PARM1: variants seen among roughly 807,000 people sequenced by gnomAD.
The protein encoded by PARM1 is WSC4, cell wall integrity and stress response component 4 homolog.
Under a neutral mutation model 24.6 loss-of-function variants are expected in PARM1, and 14 were observed. That is an observed-to-expected ratio of 0.57 (90% CI 0.38 to 0.89). The LOEUF is 0.89. PARM1 is among the 40% of genes least tolerant of loss of function. PARM1 has a pLI of 0.00. For synonymous variants in PARM1, 179 were observed against 156.6 expected (o/e 1.14, Z -1.07); for missense variants, 362 against 380.4 (o/e 0.95, Z 0.40).
chr4:75,032,978 A>G (rs1337692051), intron 2 of PARM1, among the ~76,000 whole-genome samples: 1 of 152,218 alleles, frequency 6.6e-6, no homozygotes, highest in African/African-American at 2.4e-5. Context: ...AAACTAAAGT[A>G]TATTCATTAT....
At position 74,981,543 on chromosome 4, in the gene PARM1, G is replaced by A. The variant is rs181150925; in HGVS notation, c.44-30882G>A. Among the ~76,000 whole-genome samples, 14 of 152,294 alleles carry A rather than the reference G, an allele frequency of 9.2e-5. No homozygotes were observed. In the East Asian group the frequency reaches 1.9e-3, roughly 21 times the overall value. ...ACACTGTTGGTGGGAATGTAAATTA[G>A]TTCAACCATTATGGAAGACAATGTA... On this transcript the variant is annotated intron_variant, in intron 1 of 3. Transcript: ENST00000307428.
intron 1 of PARM1, chr4:74,957,363 T>C (rs1366747396): frequency 6.6e-6 from 1 of 152,234 alleles, no homozygotes; most frequent in Non-Finnish European, 1.5e-5. Context: ...TCTCCATCTG[T>C]AAAATAAGAT....
At chr4:74,989,340 ATC>A (rs1722417938) in intron 1 of PARM1, among the ~76,000 whole-genome samples, 2 of 152,152 alleles carry the variant, frequency 1.3e-5, no homozygotes, top group South Asian at 2.1e-4. Context: ...AGATTCCCAT[ATC>A]CCCTCCTTGT....
rs1425623840 is a variant in PARM1 at position 75,048,889 on chromosome 4, T to G, written c.*2642T>G. 1 of 152,668 alleles carries G rather than the reference T, an allele frequency of 6.6e-6. No homozygotes were observed. The highest frequency in any genetic ancestry group is 1.5e-5 in the Non-Finnish European group (1 of 68,040). The allele number at this position is 152,668 out of a possible 1,614,324, so 9.5% of individuals were successfully genotyped here. ...CTTATTTTGCCAAATGTATCTTTTC[T>G]GCTTTTGAATTGGGCAGAAGATTTT... is the stretch of plus-strand genomic sequence containing the variant. On this transcript the variant is annotated 3_prime_UTR_variant, in exon 4 of 4. Coordinates refer to ENST00000307428, the MANE Select transcript of PARM1 (RefSeq NM_015393.4).
chr4:75,013,267 T>C, intron 2 of PARM1, 117 bp downstream of exon 2: 1 of 1,069,428 alleles, frequency 9.4e-7, no homozygotes, highest in South Asian at 1.6e-5. Context: ...CTAAGTTGAA[T>C]TATAATTCAC....
At chr4:74,945,220 A>G (rs1008793639) in intron 1 of PARM1, among the ~76,000 whole-genome samples, 20 of 152,332 alleles carry the variant, frequency 1.3e-4, no homozygotes, top group Non-Finnish European at 2.2e-4. Flanking sequence ...GAAGGATACA[A>G]TGGTATCTGA....
intron 3 of PARM1, among the ~76,000 whole-genome samples, chr4:75,044,482 G>A (rs1723560092): frequency 6.6e-6 from 1 of 152,050 alleles, no homozygotes; most frequent in African/African-American, 2.4e-5. Context: ...AGGACTTACT[G>A]TGTGTCAGAT....
intron 2 of PARM1, among the ~76,000 whole-genome samples, chr4:75,016,014 T>C (rs1722979315): frequency 6.6e-6 from 1 of 152,242 alleles, no homozygotes; most frequent in Non-Finnish European, 1.5e-5. Flanking sequence ...GTTCACGTAG[T>C]ATGTTTCTAT....
At position 75,049,486 on chromosome 4, in the gene PARM1, C is replaced by T. The variant is rs910083494; in HGVS notation, c.*3239C>T. The T allele has an allele frequency of 1.3e-5, 2 of 152,194 alleles. No homozygotes were observed. Among genetic ancestry groups the T allele is most frequent in the African/African-American group, 4.8e-5 (2 of 41,448 alleles). 9.4% of individuals were successfully genotyped at this position (152,194 alleles called of 1,614,324 possible). A position where few individuals can be genotyped will look rare whatever the true frequency, so the allele number is the denominator to read the frequency against. On this transcript the variant is annotated 3_prime_UTR_variant, in exon 4 of 4. Coordinates refer to ENST00000307428, the MANE Select transcript of PARM1 (RefSeq NM_015393.4). The stretch of plus-strand genomic sequence containing the variant: ...TAGCCACATCAGACAGCTATCTAAG[C>T]TCTGGACTACCCCTTTGTGCAGCTG...
intron 1 of PARM1, among the ~76,000 whole-genome samples, chr4:74,955,619 A>C (rs1225322821): frequency 1.3e-5 from 2 of 152,190 alleles, no homozygotes; most frequent in African/African-American, 4.8e-5. Flanking sequence ...AAAATTCATA[A>C]GCCTCCTCAG....
At chr4:74,961,538 AAGAG>A (rs1397159025) in intron 1 of PARM1, among the ~76,000 whole-genome samples, 1 of 152,200 alleles carries the variant, frequency 6.6e-6, no homozygotes, top group African/African-American at 2.4e-5. Flanking sequence ...GCCAAAGACA[AAGAG>A]AGAATCTTGA....
intron 1 of PARM1, among the ~76,000 whole-genome samples, chr4:75,005,068 C>T (rs767177769): frequency 2.0e-5 from 3 of 152,118 alleles, no homozygotes; most frequent in Non-Finnish European, 2.9e-5. Context: ...GTATGTAAAG[C>T]GCTCAGTACA....
At chr4:75,036,632 GTTCTGCCATCACAGTACT>G (rs1427247825) in intron 3 of PARM1, among the ~76,000 whole-genome samples, 9 of 152,214 alleles carry the variant, frequency 5.9e-5, no homozygotes, top group African/African-American at 2.2e-4. Context: ...ATGTGACACA[GTTCTGCCATCACAGTACT>G]TACCATGTTT....
In PARM1 at chr4:75,013,191, C is replaced by G; in HGVS notation, c.769+41C>G. 1.9e-6 allele frequency: 3 copies of G among 1,562,588 alleles called. No individual in the cohort carries two copies. In the South Asian group the frequency reaches 3.6e-5, roughly 19 times the overall value. On this transcript the variant is annotated intron_variant, in intron 2 of 3. Coordinates refer to ENST00000307428, the MANE Select transcript of PARM1 (RefSeq NM_015393.4). ...GTCCACTAGTTTTCTTTACTACACCCTCACATTAAGAATGCAGTTCAGTGA... is the reference window on the plus strand; with the variant it reads ...GTCCACTAGTTTTCTTTACTACACCGTCACATTAAGAATGCAGTTCAGTGA...
intron 1 of PARM1, among the ~76,000 whole-genome samples, chr4:75,009,140 A>G (rs1722824575): frequency 2.6e-5 from 4 of 152,252 alleles, no homozygotes; most frequent in Admixed American, 2.6e-4. Context: ...AGCATGGAAT[A>G]GCATGTGGCC....
chr4:75,003,218 G>A (rs1027316798), intron 1 of PARM1, among the ~76,000 whole-genome samples: 4 of 151,872 alleles, frequency 2.6e-5, no homozygotes, highest in East Asian at 3.9e-4. Context: ...ATTCGTTGGC[G>A]TCCTTGCTCA....
At chr4:74,962,958 G>A (rs1721808971) in intron 1 of PARM1, among the ~76,000 whole-genome samples, 1 of 152,206 alleles carries the variant, frequency 6.6e-6, no homozygotes, top group Non-Finnish European at 1.5e-5. Context: ...AAGGTAATCA[G>A]ATCATGGGGG....
intron 2 of PARM1, among the ~76,000 whole-genome samples, chr4:75,033,553 C>T (rs1421491701): frequency 6.6e-6 from 1 of 152,132 alleles, no homozygotes; most frequent in Non-Finnish European, 1.5e-5. Context: ...CAAACAACAG[C>T]AGCAGCAACA....
In PARM1 at chr4:74,933,452, G is replaced by A. The variant is rs995847365; in HGVS notation, c.43+82G>A. On this transcript the variant is annotated intron_variant, in intron 1 of 3. Coordinates refer to ENST00000307428, the MANE Select transcript of PARM1 (RefSeq NM_015393.4). ...CGCGTGGTCGGGGCTGAAGCTAGGA[G>A]ATCCGGCAGTGAGTCGCCGCGCGCC... The A allele has an allele frequency of 1.9e-5, 24 of 1,262,658 alleles. No homozygotes were observed. The Middle Eastern group carries it at 1.3e-3, about 68-fold the overall frequency. 78.2% of individuals were successfully genotyped at this position (1,262,658 alleles called of 1,614,324 possible). A position where few individuals can be genotyped will look rare whatever the true frequency, so the allele number is the denominator to read the frequency against.
Sources: allele counts gnomAD v4.1 joint callset (sites outside exome capture counted in the v4.1 genomes callset), GRCh38; gene constraint gnomAD v4.1.1; transcripts MANE v1.5; gene names NCBI Gene and HGNC (gene_info 2026-07-23, HGNC 2026-07-21).